Variants in NCOA2 observed in about 807,000 individuals in gnomAD.
The protein encoded by NCOA2 is class E basic helix-loop-helix protein 75.
A neutral mutation model predicts 145.1 loss-of-function variants in NCOA2; 21 were observed. That is an observed-to-expected ratio of 0.14 (90% CI 0.10 to 0.21). NCOA2 has a LOEUF of 0.21. Among genes scored for constraint, NCOA2 ranks in the 10% least tolerant of loss-of-function variants. NCOA2 has a pLI of 1.00. For missense variants in NCOA2, 1,472 were observed against 1,837.6 expected (o/e 0.80, Z 3.64); for synonymous variants, 619 against 637.5 (o/e 0.97, Z 0.44).
At chr8:70,155,038 T>C (rs889013162) in intron 11 of NCOA2, among the ~76,000 whole-genome samples, 11 of 152,234 alleles carry the variant, frequency 7.2e-5, no homozygotes, top group Non-Finnish European at 1.5e-4. Context: ...ACCATAAATA[T>C]ATACAATTTT....
chr8:70,279,761 T>G (rs963994186), intron 2 of NCOA2, among the ~76,000 whole-genome samples: 30 of 152,170 alleles, frequency 2.0e-4, no homozygotes, highest in African/African-American at 7.2e-4. Context: ...AAGATCCTTT[T>G]GAGAGGGGAT....
chr8:70,446,771 T>C, the NCOA2 span, among the ~76,000 whole-genome samples: 1 of 152,110 alleles, frequency 6.6e-6, no homozygotes, highest in African/African-American at 2.4e-5. Flanking sequence ...TCCAACAAGT[T>C]ATATGAGAAG....
chr8:70,447,107 C>A, the NCOA2 span, among the ~76,000 whole-genome samples: 3 of 152,180 alleles, frequency 2.0e-5, no homozygotes, highest in African/African-American at 7.2e-5. Context: ...GAATGAATTT[C>A]TCTTTGGCAA....
At chr8:70,420,802 G>A in the NCOA2 span, among the ~76,000 whole-genome samples, 42,303 of 151,826 alleles carry the variant, frequency 0.28, 6,729 homozygotes, top group East Asian at 0.53. Flanking sequence ...GCACCACCAC[G>A]CCCAGCTAAT....
intron 1 of NCOA2, among the ~76,000 whole-genome samples, chr8:70,311,678 A>AT (rs995550397): frequency 7.3e-4 from 111 of 152,324 alleles, no homozygotes; most frequent in African/African-American, 2.6e-3. Context: ...TGGCCATGGC[A>AT]TCAGAACATG....
intron 1 of NCOA2, among the ~76,000 whole-genome samples, chr8:70,311,197 AAT>A (rs767903144): frequency 6.6e-6 from 1 of 151,884 alleles, no homozygotes; most frequent in Non-Finnish European, 1.5e-5. Flanking sequence ...AAAGAAAAAA[AAT>A]GTTTTCAAAA....
chr8:70,394,452 G>A (rs1813482306), intron 1 of NCOA2, among the ~76,000 whole-genome samples: 2 of 152,278 alleles, frequency 1.3e-5, no homozygotes, highest in East Asian at 1.9e-4. Flanking sequence ...ACCGCGCCTG[G>A]CCAAAATAAC....
At chr8:70,307,842 G>C (rs555937166) in intron 1 of NCOA2, among the ~76,000 whole-genome samples, 1 of 152,268 alleles carries the variant, frequency 6.6e-6, no homozygotes, top group African/African-American at 2.4e-5. Flanking sequence ...TATCGATTTG[G>C]TAGTTTTGTT....
intron 1 of NCOA2, among the ~76,000 whole-genome samples, chr8:70,324,583 C>T (rs1248469151): frequency 6.6e-6 from 1 of 151,988 alleles, no homozygotes; most frequent in Non-Finnish European, 1.5e-5. Context: ...TCAAGCAATC[C>T]ACCCGCCTTG....
At chr8:70,193,716 C>G (rs896510830) in intron 4 of NCOA2, among the ~76,000 whole-genome samples, 1 of 152,166 alleles carries the variant, frequency 6.6e-6, no homozygotes, top group Non-Finnish European at 1.5e-5. Flanking sequence ...AATGAATACA[C>G]CACTTGGAAT....
At chr8:70,315,978 C>T (rs1255028034) in intron 1 of NCOA2, among the ~76,000 whole-genome samples, 3 of 152,154 alleles carry the variant, frequency 2.0e-5, no homozygotes, top group East Asian at 1.9e-4. Context: ...TAATAGATGA[C>T]GGAACTTCTA....
chr8:70,357,591 A>C (rs1447413318), intron 1 of NCOA2: 4 of 152,316 alleles, frequency 2.6e-5, no homozygotes, highest in African/African-American at 7.2e-5. Context: ...AATACAAAAA[A>C]TTCGCCAGGC....
At chr8:70,308,826 A>G (rs1368183944) in intron 1 of NCOA2, among the ~76,000 whole-genome samples, 1 of 152,174 alleles carries the variant, frequency 6.6e-6, no homozygotes, top group Non-Finnish European at 1.5e-5. Context: ...TGTTAATAAT[A>G]ATGACAAGAC....
intron 2 of NCOA2, among the ~76,000 whole-genome samples, chr8:70,261,471 T>C (rs936725293): frequency 1.2e-4 from 19 of 152,024 alleles, no homozygotes; most frequent in African/African-American, 4.6e-4. Flanking sequence ...GGGATAGCAT[T>C]AGGAGATATA....
chr8:70,397,508 T>G (rs1481933338), intron 1 of NCOA2, among the ~76,000 whole-genome samples: 3 of 147,302 alleles, frequency 2.0e-5, no homozygotes, highest in African/African-American at 7.5e-5. Flanking sequence ...CTAGAAAAAC[T>G]GACAACCATA....
the NCOA2 span, among the ~76,000 whole-genome samples, chr8:70,409,601 C>G: frequency 3.9e-5 from 6 of 152,184 alleles, no homozygotes; most frequent in African/African-American, 1.4e-4. Flanking sequence ...AAGAAAACAT[C>G]AGCCATCCTT....
chr8:70,264,645 C>G (rs1474645386), intron 2 of NCOA2, among the ~76,000 whole-genome samples: 1 of 152,166 alleles, frequency 6.6e-6, no homozygotes, highest in Non-Finnish European at 1.5e-5. Flanking sequence ...AGGTAATACT[C>G]TAAAGAAACT....
At chr8:70,278,696 G>C (rs1298829841) in intron 2 of NCOA2, among the ~76,000 whole-genome samples, 1 of 152,124 alleles carries the variant, frequency 6.6e-6, no homozygotes, top group Non-Finnish European at 1.5e-5. Context: ...GCTTGGGACG[G>C]TGGCTCATGC....
At chr8:70,155,151 C>T (rs995707771) in intron 11 of NCOA2, among the ~76,000 whole-genome samples, 2 of 152,088 alleles carry the variant, frequency 1.3e-5, no homozygotes, top group African/African-American at 4.8e-5. Flanking sequence ...ATAATGTAGC[C>T]TATTATTCTA....
Sources: gnomAD v4.1 joint callset for allele counts (sites outside exome capture counted in the v4.1 genomes callset) on GRCh38, gnomAD v4.1.1 for gene constraint, MANE v1.5 for transcripts, NCBI Gene and HGNC (gene_info 2026-07-23, HGNC 2026-07-21) for gene names.